The following NPTX2 variants were observed in gnomAD, a reference collection of about 807,000 sequenced individuals.
NPTX2 encodes the protein neuronal pentraxin-2.
A neutral mutation model predicts 38.1 loss-of-function variants in NPTX2; 23 were observed. The observed-to-expected ratio is 0.60, with a 90% CI of 0.43 to 0.85. The LOEUF is 0.85. Among genes scored for constraint, NPTX2 ranks in the 40% least tolerant of loss-of-function variants. The pLI is 0.00. For missense variants in NPTX2, 553 were observed against 615.3 expected (o/e 0.90, Z 1.07); for synonymous variants, 291 against 287.3 (o/e 1.01, Z -0.13).
chr7:98,617,695 C>A lies in NPTX2; in HGVS notation c.234C>A (p.Gly78=), dbSNP rs771274779. 1.4e-6 allele frequency: 2 copies of A among 1,453,018 alleles called. No homozygotes were observed. The highest frequency in any genetic ancestry group is 1.8e-6 in the Non-Finnish European group (2 of 1,113,370). 90.0% of individuals were successfully genotyped at this position (1,453,018 alleles called of 1,614,324 possible). A position where few individuals can be genotyped will look rare whatever the true frequency, so the allele number is the denominator to read the frequency against. Residue 78 remains glycine, a synonymous_variant, in exon 1 of 5, where the codon GGC becomes GGA. Transcript: ENST00000265634. The stretch of plus-strand genomic sequence containing the variant: ...TCGTGCAGCAGAAGGAGACGCTGGG[C>A]GCGCAGCGCGAGGCCATCCGCGAGC... ...ETVVQQKETL[G]AQREAIRELT...
At chr7:98,622,682 A>G (rs1331370310) in intron 2 of NPTX2, among the ~76,000 whole-genome samples, 1 of 152,180 alleles carries the variant, frequency 6.6e-6, no homozygotes, top group African/African-American at 2.4e-5. Flanking sequence ...TTTCAGCCTA[A>G]TGAGAGACTA....
intron 1 of NPTX2, 78 bp downstream of exon 1, chr7:98,617,965 G>C: frequency 6.9e-7 from 1 of 1,443,306 alleles, no homozygotes; most frequent in South Asian, 1.3e-5. Context: ...GGGAGGATGG[G>C]GAAAGGGGGC....
chr7:98,627,051 CAGG>C, intron 3 of NPTX2, 111 bp from the exon 4 acceptor site: 1 of 669,476 alleles, frequency 1.5e-6, no homozygotes, highest in Non-Finnish European at 2.6e-6. Context: ...ACCCCGGTGA[CAGG>C]AGGAGCAGTG....
intron 2 of NPTX2, among the ~76,000 whole-genome samples, chr7:98,624,115 C>T (rs1791308724): frequency 6.6e-6 from 1 of 152,140 alleles, no homozygotes; most frequent in Admixed American, 6.5e-5. Flanking sequence ...TGCCACCCTA[C>T]CCAGCTAATT....
Position 98,629,660 on chromosome 7 carries a change from G to T in NPTX2, c.*1031G>T, listed in dbSNP as rs534743066. The T allele has an allele frequency of 1.3e-5, 2 of 152,700 alleles. No homozygotes were observed. The highest frequency in any genetic ancestry group is 4.8e-5 in the African/African-American group (2 of 41,584). 9.5% of individuals were successfully genotyped at this position (152,700 alleles called of 1,614,324 possible). ...TGACTCCAAGCTACTCACTGTATTG[G>T]ACGGGAGTAGTAATTTATTTTAAAG... On this transcript the variant is annotated 3_prime_UTR_variant, in exon 5 of 5. Transcript: ENST00000265634.
rs1791407075 is a variant in NPTX2 at position 98,629,369 on chromosome 7, C to G, written c.*740C>G. The G allele has an allele frequency of 6.6e-6, 1 of 152,646 alleles. No individual in the cohort carries two copies. Among genetic ancestry groups the G allele is most frequent in the African/African-American group, 2.4e-5 (1 of 41,434 alleles). The allele number at this position is 152,646 out of a possible 1,614,324, so 9.5% of individuals were successfully genotyped here. A position where few individuals can be genotyped will look rare whatever the true frequency, so the allele number is the denominator to read the frequency against. On this transcript the variant is annotated 3_prime_UTR_variant, in exon 5 of 5. Transcript: ENST00000265634. ...ATCACTAGCTATGGCATTAAAAGGC[C>G]TCTCTTCTCATCTGGTGCCAAAGGT...
chr7:98,623,151 A>G (rs529827509), intron 2 of NPTX2, among the ~76,000 whole-genome samples: 1 of 152,256 alleles, frequency 6.6e-6, no homozygotes, highest in African/African-American at 2.4e-5. Flanking sequence ...ATGGCCTCGG[A>G]GACTGTCTGA....
intron 4 of NPTX2, among the ~76,000 whole-genome samples, 190 bp downstream of exon 4, chr7:98,627,534 C>T (rs988309132): frequency 6.6e-6 from 1 of 152,160 alleles, no homozygotes; most frequent in East Asian, 1.9e-4. Context: ...ACAGCCAGGT[C>T]GGGGGAGTGA....
In NPTX2 at chr7:98,617,816, G is replaced by C. The variant is rs1349533496; in HGVS notation, c.355G>C (p.Asp119His). 19 of 1,541,246 alleles carry C rather than the reference G, an allele frequency of 1.2e-5. No homozygotes were observed. Among genetic ancestry groups the C allele is most frequent in the Non-Finnish European group, 1.5e-5 (17 of 1,152,212 alleles). ...GKDTMGDLPR[D>H]PGHVVEQLSR... is the part of the protein sequence containing the mutation. ...GGACACTATGGGCGACCTGCCGCGG[G>C]ACCCCGGCCACGTCGTGGAGCAGCT... The change falls in exon 1 of 5, where the codon GAC (aspartate) becomes CAC (histidine). Residue 119 changes from aspartate (D) to histidine (H), a missense_variant. Transcript: ENST00000265634.
Position 98,627,179 on chromosome 7 carries a change from C to T in NPTX2, c.903C>T (p.Pro301=), listed in dbSNP as rs1361129263. 2.5e-6 allele frequency: 4 copies of T among 1,613,282 alleles called. No homozygotes were observed. The highest frequency in any genetic ancestry group is 3.3e-5 in the Admixed American group (2 of 59,998). ...LLINDKVAQL[P]LFVSDGKWHH... is the part of the protein sequence containing the mutation. ...GCTGCTCACAGGTTGCGCAGCTGCC[C>T]CTGTTTGTCAGTGACGGCAAGTGGC... The change falls in exon 4 of 5, where the codon CCC becomes CCT. Residue 301 remains proline, a synonymous_variant. Coordinates refer to ENST00000265634, the MANE Select transcript of NPTX2 (RefSeq NM_002523.3).
intron 2 of NPTX2, among the ~76,000 whole-genome samples, chr7:98,624,447 G>A (rs1272003843): frequency 6.6e-6 from 1 of 152,096 alleles, no homozygotes; most frequent in Non-Finnish European, 1.5e-5. Flanking sequence ...CCTAAAAGAT[G>A]GAGCTAAATT....
chr7:98,622,827 G>T (rs1013826948), intron 2 of NPTX2, among the ~76,000 whole-genome samples: 1 of 152,170 alleles, frequency 6.6e-6, no homozygotes, highest in Non-Finnish European at 1.5e-5. Flanking sequence ...CAATCGGGAG[G>T]CCACCATTGG....
At chr7:98,625,402 G>A (rs1346991222) in intron 3 of NPTX2, among the ~76,000 whole-genome samples, 1 of 152,220 alleles carries the variant, frequency 6.6e-6, no homozygotes, top group African/African-American at 2.4e-5. Context: ...AGAAGGTCCA[G>A]GCACCTAGGC....
intron 2 of NPTX2, among the ~76,000 whole-genome samples, chr7:98,624,006 G>A (rs2115623651): frequency 6.6e-6 from 1 of 152,320 alleles, no homozygotes; most frequent in South Asian, 2.1e-4. Flanking sequence ...TGTCACCCAG[G>A]TGGGAGTGCA....
chr7:98,617,783 A>T lies in NPTX2; in HGVS notation c.322A>T (p.Thr108Ser). 6.8e-7 allele frequency: 1 copy of T among 1,464,488 alleles called. No individual in the cohort carries two copies. Among genetic ancestry groups the T allele is most frequent in the Non-Finnish European group, 8.9e-7 (1 of 1,120,428 alleles). 90.7% of individuals were successfully genotyped at this position (1,464,488 alleles called of 1,614,324 possible). Reference sequence around the variant, plus strand: ...CGGCAAGGCGCGCGGCGCGGGGGCCACGGGCAAGGACACTATGGGCGACCT... The same window carrying T: ...CGGCAAGGCGCGCGGCGCGGGGGCCTCGGGCAAGGACACTATGGGCGACCT... ...AGGKARGAGA[T>S]GKDTMGDLPR... The change falls in exon 1 of 5, where the codon ACG becomes TCG. Residue 108 changes from threonine (T) to serine (S), a missense_variant. Coordinates refer to ENST00000265634, the MANE Select transcript of NPTX2 (RefSeq NM_002523.3).
chr7:98,618,007 G>T, intron 1 of NPTX2, 120 bp downstream of exon 1: 1 of 1,029,296 alleles, frequency 9.7e-7, no homozygotes, highest in Non-Finnish European at 1.4e-6. Flanking sequence ...TCGTCCGTGG[G>T]GGTGAGCTGG....
In NPTX2 at chr7:98,617,466, T is replaced by C; in HGVS notation, c.5T>C (p.Leu2Pro). 8.9e-7 allele frequency: 1 copy of C among 1,124,258 alleles called. No homozygotes were observed. The allele number at this position is 1,124,258 out of a possible 1,614,324, so 69.6% of individuals were successfully genotyped here. A position where few individuals can be genotyped will look rare whatever the true frequency, so the allele number is the denominator to read the frequency against. M[L>P]ALLAASVALA... ...GAGCGCGGCAGCGGCGGCGGGATGC[T>C]GGCGCTGCTGGCCGCCAGCGTGGCG... The change falls in exon 1 of 5, where the codon CTG becomes CCG. Residue 2 changes from leucine to proline, a missense_variant. Leu to Pro is a moderately conservative substitution (Grantham distance 98, BLOSUM62 -3). Transcript: ENST00000265634.
At chr7:98,624,654 G>A (rs771300856) in intron 2 of NPTX2, among the ~76,000 whole-genome samples, 2 of 152,064 alleles carry the variant, frequency 1.3e-5, no homozygotes, top group East Asian at 1.9e-4. Flanking sequence ...GACTTCCCTC[G>A]CGTACCTGCT....
At chr7:98,621,489 C>G (rs1264820431) in intron 2 of NPTX2, among the ~76,000 whole-genome samples, 1 of 152,196 alleles carries the variant, frequency 6.6e-6, no homozygotes, top group Non-Finnish European at 1.5e-5. Flanking sequence ...GGAAAGTGAT[C>G]ATTTGCAGAC....
Sources: allele counts gnomAD v4.1 joint callset (sites outside exome capture counted in the v4.1 genomes callset), GRCh38; gene constraint gnomAD v4.1.1; transcripts MANE v1.5; gene names NCBI Gene and HGNC (gene_info 2026-07-23, HGNC 2026-07-21).